NALF1: variants seen among roughly 807,000 people sequenced by gnomAD.
NALF1 encodes the protein family with sequence similarity 155 member A.
NALF1 carries 3 observed loss-of-function variants against 48.4 expected under a neutral mutation model. That is an observed-to-expected ratio of 0.06 (90% CI 0.03 to 0.16). NALF1 has a LOEUF of 0.16. NALF1 is among the 10% of genes least tolerant of loss of function. NALF1 has a pLI of 1.00. For synonymous variants in NALF1, 262 were observed against 245.7 expected, an observed-to-expected ratio of 1.07 and a Z score of -0.62; for missense variants, 526 against 571.5, an observed-to-expected ratio of 0.92 and a Z score of 0.81.
chr13:107,261,538 A>G (rs1420838299), intron 1 of NALF1, among the ~76,000 whole-genome samples: 1 of 152,214 alleles, frequency 6.6e-6, no homozygotes, highest in Non-Finnish European at 1.5e-5. Context: ...TCATAGGACC[A>G]AAATGGTACA....
chr13:107,392,149 T>C (rs1464190340), intron 1 of NALF1, among the ~76,000 whole-genome samples: 2 of 152,060 alleles, frequency 1.3e-5, no homozygotes, highest in African/African-American at 4.8e-5. Context: ...TTGTCTCCCT[T>C]TGTTGCTGAC....
chr13:107,661,300 G>T (rs1366194507), intron 1 of NALF1, among the ~76,000 whole-genome samples: 1 of 152,120 alleles, frequency 6.6e-6, no homozygotes, highest in Non-Finnish European at 1.5e-5. Flanking sequence ...AGAAATGGGT[G>T]CTGGCAAATA....
intron 1 of NALF1, among the ~76,000 whole-genome samples, chr13:107,375,945 T>C (rs546523755): frequency 0.031 from 4,607 of 148,352 alleles, 78 homozygotes; most frequent in South Asian, 0.044. Flanking sequence ...CACACACACA[T>C]ACACACACAC....
At chr13:107,441,665 G>A (rs374215652) in intron 1 of NALF1, among the ~76,000 whole-genome samples, 21 of 152,182 alleles carry the variant, frequency 1.4e-4, no homozygotes, top group African/African-American at 5.1e-4. Flanking sequence ...GCACTCAGGA[G>A]GGAATGGTTA....
At chr13:107,560,970 A>G (rs1877629351) in intron 1 of NALF1, among the ~76,000 whole-genome samples, 1 of 152,176 alleles carries the variant, frequency 6.6e-6, no homozygotes, top group African/African-American at 2.4e-5. Flanking sequence ...CCAAAAAACA[A>G]TTTTTAAAAC....
In NALF1 at chr13:107,745,092, C is replaced by T. The variant is rs577767636; in HGVS notation, c.915+120590G>A. On this transcript the variant is annotated intron_variant, in intron 1 of 2. Transcript: ENST00000375915. Reference sequence around the variant, plus strand: ...ATGATCGAATAGATATTCCAGTCCACGGTGAGGAAGGTCTGTAGCACTAAT... The same window carrying T: ...ATGATCGAATAGATATTCCAGTCCATGGTGAGGAAGGTCTGTAGCACTAAT... Among the ~76,000 whole-genome samples, 3 of 152,276 alleles carry T rather than the reference C, an allele frequency of 2.0e-5. No homozygotes were observed. In the East Asian group the frequency reaches 5.8e-4, roughly 29 times the overall value.
chr13:107,349,334 A>C (rs1318326494), intron 1 of NALF1, among the ~76,000 whole-genome samples: 4 of 152,082 alleles, frequency 2.6e-5, no homozygotes, highest in Admixed American at 2.6e-4. Context: ...TGTGGCTCTG[A>C]AATAAAAGTG....
At chr13:107,834,691 T>C (rs1001030237) in intron 1 of NALF1, among the ~76,000 whole-genome samples, 1 of 152,346 alleles carries the variant, frequency 6.6e-6, no homozygotes, top group Admixed American at 6.5e-5. Flanking sequence ...ATTCCCTGTT[T>C]AGATGATAAA....
intron 1 of NALF1, among the ~76,000 whole-genome samples, chr13:107,488,930 G>T (rs2139067500): frequency 6.6e-6 from 1 of 152,194 alleles, no homozygotes; most frequent in East Asian, 1.9e-4. Context: ...GCAGTCTCAG[G>T]ATACAAAATT....
intron 1 of NALF1, among the ~76,000 whole-genome samples, chr13:107,273,772 C>G (rs759798936): frequency 6.6e-6 from 1 of 152,218 alleles, no homozygotes; most frequent in East Asian, 1.9e-4. Context: ...ATCCATAGAA[C>G]AGAACAGGGT....
intron 1 of NALF1, among the ~76,000 whole-genome samples, chr13:107,831,998 T>C (rs1392703756): frequency 1.3e-5 from 2 of 152,154 alleles, no homozygotes; most frequent in African/African-American, 2.4e-5. Flanking sequence ...TGGACATCAT[T>C]AAAATAAAGT....
chr13:107,544,865 T>C (rs1877094083), intron 1 of NALF1, among the ~76,000 whole-genome samples: 1 of 152,178 alleles, frequency 6.6e-6, no homozygotes, highest in South Asian at 2.1e-4. Context: ...TCAATCACCA[T>C]GTGAGGAGCT....
chr13:107,542,018 C>G (rs975304549), intron 1 of NALF1, among the ~76,000 whole-genome samples: 7 of 151,984 alleles, frequency 4.6e-5, no homozygotes, highest in Non-Finnish European at 1.0e-4. Context: ...ATTCTTATTG[C>G]CTGGATGGTC....
At chr13:107,375,469 T>C (rs1465737549) in intron 1 of NALF1, among the ~76,000 whole-genome samples, 1 of 152,152 alleles carries the variant, frequency 6.6e-6, no homozygotes, top group Non-Finnish European at 1.5e-5. Context: ...TTCCAGAAAG[T>C]ATCTATCATG....
chr13:107,329,880 T>C (rs1882436638), intron 1 of NALF1, among the ~76,000 whole-genome samples: 1 of 152,138 alleles, frequency 6.6e-6, no homozygotes. Flanking sequence ...AGAAAGAAAT[T>C]GTCCTTACAG....
intron 1 of NALF1, among the ~76,000 whole-genome samples, chr13:107,725,236 T>C (rs554562483): frequency 6.6e-6 from 1 of 152,362 alleles, no homozygotes; most frequent in Non-Finnish European, 1.5e-5. Context: ...GAAATTTTTC[T>C]GTTTGGGATC....
chr13:107,430,554 G>GT (rs1884360580), intron 1 of NALF1, among the ~76,000 whole-genome samples: 1 of 152,074 alleles, frequency 6.6e-6, no homozygotes, highest in Non-Finnish European at 1.5e-5. Flanking sequence ...GCGGTGGTTG[G>GT]TTTTTTGTCC....
rs777667377 is a variant in NALF1, at chr13:107,866,001, G to A, written c.596C>T (p.Ala199Val). The change falls in exon 1 of 3, where the codon GCG (alanine) becomes GTG (valine). Residue 199 changes from alanine (A) to valine (V), a missense_variant. By Grantham distance (64) the Ala-to-Val change is moderately conservative. Transcript: ENST00000375915. The surrounding 1 kb of genome is among the most constrained non-coding windows in gnomAD (Gnocchi z 4.4). ...AVCARNWSRGAAGGDGQEVRS... is the reference protein window; with the variant it reads ...AVCARNWSRGVAGGDGQEVRS... ...CACCTCCTGCCCGTCCCCCCCGGCC[G>A]CCCCCCGACTCCAGTTCCTGGCGCA... is the stretch of plus-strand genomic sequence containing the variant. 8.7e-6 allele frequency: 14 copies of A among 1,611,688 alleles called. No homozygotes were observed. The East Asian group carries it at 1.8e-4, about 21-fold the overall frequency.
chr13:107,524,370 T>C (rs1214279789), intron 1 of NALF1, among the ~76,000 whole-genome samples: 2 of 152,112 alleles, frequency 1.3e-5, no homozygotes, highest in Non-Finnish European at 2.9e-5. Flanking sequence ...TCTTTGATTA[T>C]TCGAGAAGTC....
Sources: gnomAD v4.1 joint callset for allele counts (sites outside exome capture counted in the v4.1 genomes callset) on GRCh38, gnomAD v4.1.1 for gene constraint, Gnocchi (gnomAD v3.1) non-coding constraint, MANE v1.5 for transcripts, NCBI Gene and HGNC (gene_info 2026-07-23, HGNC 2026-07-21) for gene names.